Variants in AQR observed in about 807,000 individuals in gnomAD.
AQR encodes RNA helicase aquarius.
Under a neutral mutation model 180.5 loss-of-function variants are expected in AQR, and 61 were observed. That is an observed-to-expected ratio of 0.34 (90% CI 0.28 to 0.42). The LOEUF (loss-of-function observed/expected upper bound fraction) is 0.42. Ranked by LOEUF, AQR falls within the 10% of genes least tolerant of loss-of-function variation. The pLI is 1.00. For synonymous variants in AQR, 551 were observed against 588.8 expected, an observed-to-expected ratio of 0.94 and a Z score of 0.93; for missense variants, 1,281 against 1,798.3, an observed-to-expected ratio of 0.71 and a Z score of 5.20.
rs1437429232 is a variant in AQR at position 34,862,789 on chromosome 15, T to C, written c.4029+78A>G. 1.2e-4 allele frequency: 169 copies of C among 1,450,726 alleles called. 1 individual carries two copies. Among genetic ancestry groups the C allele is most frequent in the Middle Eastern group, 6.2e-4 (3 of 4,802 alleles). The allele number at this position is 1,450,726 out of a possible 1,614,324, so 89.9% of individuals were successfully genotyped here. The stretch of plus-strand genomic sequence containing the variant: ...AATTATCTATAATAATGTTCCAAGC[T>C]AATGTGGTCACCTATAAGAAAATCC... On this transcript the variant is annotated intron_variant, in intron 33 of 34. Transcript: ENST00000156471.
chr15:34,916,557 T>C (rs1330744329), intron 15 of AQR, among the ~76,000 whole-genome samples: 2 of 152,138 alleles, frequency 1.3e-5, no homozygotes, highest in Non-Finnish European at 2.9e-5. Flanking sequence ...AGCACATTTT[T>C]ATTTAAAAAA....
intron 27 of AQR, among the ~76,000 whole-genome samples, chr15:34,877,668 T>C (rs1468659988): frequency 6.6e-6 from 1 of 152,190 alleles, no homozygotes; most frequent in Non-Finnish European, 1.5e-5. Context: ...ATAATGCAAT[T>C]TTACTTATAA....
intron 13 of AQR, among the ~76,000 whole-genome samples, chr15:34,925,891 G>A (rs1031575480): frequency 4.0e-5 from 6 of 148,556 alleles, no homozygotes; most frequent in African/African-American, 7.5e-5. Flanking sequence ...AAATAAGGCC[G>A]GGCGCGGTGG....
intron 3 of AQR, among the ~76,000 whole-genome samples, chr15:34,958,870 G>A (rs1039596092): frequency 3.9e-5 from 6 of 152,068 alleles, no homozygotes; most frequent in Non-Finnish European, 8.8e-5. Flanking sequence ...TACTTTCAGA[G>A]AGAATTTGCC....
intron 4 of AQR, among the ~76,000 whole-genome samples, 160 bp from the exon 5 acceptor site, chr15:34,948,544 C>T (rs1282714590): frequency 6.6e-6 from 1 of 152,082 alleles, no homozygotes; most frequent in East Asian, 1.9e-4. Flanking sequence ...TAGCTCATGC[C>T]TGTAATCCCA....
intron 12 of AQR, among the ~76,000 whole-genome samples, chr15:34,928,376 G>T (rs1893796976): frequency 6.6e-6 from 1 of 152,092 alleles, no homozygotes; most frequent in Non-Finnish European, 1.5e-5. Context: ...GTACTGGTGT[G>T]TGTTGTTTCC....
chr15:34,957,238 C>T (rs552627661), intron 3 of AQR, among the ~76,000 whole-genome samples: 49 of 152,094 alleles, frequency 3.2e-4, no homozygotes, highest in Middle Eastern at 6.8e-3. Context: ...CTCACTGCAA[C>T]CTCCACCTCC....
rs576361731 is a variant in AQR, at chr15:34,882,150, TG to T, written c.3165+351del. ...TCTTTTTATAGCTTTTACTTCTGTT[TG>T]GAGATATTTTTATTATTACTATTTT... On this transcript the variant is annotated intron_variant, in intron 27 of 34. Coordinates refer to ENST00000156471, the MANE Select transcript of AQR (RefSeq NM_014691.3). Among the ~76,000 whole-genome samples the T allele has an allele frequency of 3.7e-4, 56 of 152,204 alleles. 1 individual carries two copies. Among genetic ancestry groups the T allele is most frequent in the Admixed American group, 3.5e-3 (53 of 15,300 alleles).
At position 34,852,004 on chromosome 15, in the gene AQR, A is replaced by G. The variant is rs1271110516; in HGVS notation, c.*4788T>C. 1 of 152,286 alleles carries G rather than the reference A, an allele frequency of 6.6e-6. No individual in the cohort carries two copies. The highest frequency in any genetic ancestry group is 1.5e-5 in the Non-Finnish European group (1 of 68,018). The allele number at this position is 152,286 out of a possible 1,614,324, so 9.4% of individuals were successfully genotyped here. ...ATGACACTCAATAAATTACACTACG[A>G]CATTTTGTACAAATCACTTCACTTC... is the stretch of plus-strand genomic sequence containing the variant. On this transcript the variant is annotated 3_prime_UTR_variant, in exon 35 of 35. Coordinates refer to ENST00000156471, the MANE Select transcript of AQR (RefSeq NM_014691.3).
At chr15:34,926,888 G>C (rs1468585295) in intron 13 of AQR, 147 bp downstream of exon 13, 1 of 413,876 alleles carries the variant, frequency 2.4e-6, no homozygotes, top group African/African-American at 2.1e-5. Context: ...CTGCTGGAGA[G>C]AAGCACTAGT....
At chr15:34,888,752 C>A (rs1893098519) in intron 24 of AQR, among the ~76,000 whole-genome samples, 1 of 152,140 alleles carries the variant, frequency 6.6e-6, no homozygotes, top group South Asian at 2.1e-4. Flanking sequence ...CAGAAAAAGA[C>A]TAGCAAAAAG....
rs745428360 is a variant in AQR at position 34,909,209 on chromosome 15, G to T, written c.1663+926C>A. On this transcript the variant is annotated intron_variant, in intron 17 of 34. Transcript: ENST00000156471. ...CATTAAGGGACATCCTTTCCTTCTGGCATGCCAAGAAGGTAAAAGGAGGTA... is the reference window on the plus strand; with the variant it reads ...CATTAAGGGACATCCTTTCCTTCTGTCATGCCAAGAAGGTAAAAGGAGGTA... Among the ~76,000 whole-genome samples, 4 of 152,246 alleles carry T rather than the reference G, an allele frequency of 2.6e-5. 1 individual carries two copies. In the East Asian group the frequency reaches 7.7e-4, roughly 29 times the overall value.
At chr15:34,928,458 G>T (rs1319345455) in intron 12 of AQR, among the ~76,000 whole-genome samples, 2 of 152,092 alleles carry the variant, frequency 1.3e-5, no homozygotes, top group Non-Finnish European at 2.9e-5. Context: ...TTGGTTTTTT[G>T]TTCCTGTGTT....
intron 22 of AQR, among the ~76,000 whole-genome samples, chr15:34,893,994 C>A (rs1017955486): frequency 1.3e-5 from 2 of 152,042 alleles, no homozygotes; most frequent in African/African-American, 4.8e-5. Flanking sequence ...AATAGAGACT[C>A]ATGAATCTAT....
chr15:34,907,410 G>C (rs1239899263), intron 17 of AQR, among the ~76,000 whole-genome samples: 1 of 152,166 alleles, frequency 6.6e-6, no homozygotes, highest in Admixed American at 6.5e-5. Flanking sequence ...TATAAAATTA[G>C]ACCTCACAGC....
At chr15:34,940,852 C>T (rs1280451631) in intron 8 of AQR, 47 bp downstream of exon 8, 1 of 1,427,078 alleles carries the variant, frequency 7.0e-7, no homozygotes, top group Non-Finnish European at 9.8e-7. Flanking sequence ...CTAAGGTCCA[C>T]AATCCAGCAT....
At chr15:34,946,596 A>G (rs1334506664) in intron 5 of AQR, among the ~76,000 whole-genome samples, 1 of 122,828 alleles carries the variant, frequency 8.1e-6, no homozygotes. Flanking sequence ...GTCAGCCCCC[A>G]GCCCGGCCAG....
chr15:34,960,968 C>A (rs1047591327), intron 2 of AQR, among the ~76,000 whole-genome samples, 154 bp from the exon 3 acceptor site: 13 of 151,866 alleles, frequency 8.6e-5, no homozygotes, highest in African/African-American at 2.7e-4. Flanking sequence ...TAAAATAATC[C>A]CATTATATTC....
intron 29 of AQR, 142 bp downstream of exon 29, chr15:34,874,534 CA>C (rs1329803674): frequency 2.2e-6 from 2 of 892,504 alleles, no homozygotes; most frequent in Non-Finnish European, 3.4e-6. Context: ...CAGAAGTCGA[CA>C]AAAGTGCTTT....
Sources: gnomAD v4.1 joint callset for allele counts (sites outside exome capture counted in the v4.1 genomes callset) on GRCh38, gnomAD v4.1.1 for gene constraint, MANE v1.5 for transcripts, NCBI Gene and HGNC (gene_info 2026-07-23, HGNC 2026-07-21) for gene names.